The following SAMD12 variants were observed in gnomAD, a reference collection of about 807,000 sequenced individuals.
The protein encoded by SAMD12 is sterile alpha motif domain-containing protein 12.
Under a neutral mutation model 15.0 loss-of-function variants are expected in SAMD12, and 9 were observed. The ratio of observed to expected loss-of-function variants is 0.60; its 90% CI spans 0.36 to 1.05. The LOEUF is 1.05. Ranked by LOEUF, SAMD12 falls within the 50% of genes least tolerant of loss-of-function variation. SAMD12 has a pLI of 0.01. For missense variants in SAMD12, 230 were observed against 234.2 expected, an observed-to-expected ratio of 0.98 and a Z score of 0.12; for synonymous variants, 86 against 90.1, an observed-to-expected ratio of 0.96 and a Z score of 0.25.
intron 4 of SAMD12, among the ~76,000 whole-genome samples, chr8:118,322,025 C>T (rs1272996668): frequency 6.6e-6 from 1 of 152,102 alleles, no homozygotes; most frequent in East Asian, 1.9e-4. Flanking sequence ...GAAGATTATC[C>T]CTCCTGTTCA....
At chr8:118,189,261 A>G (rs1208209132), downstream of SAMD12, among the ~76,000 whole-genome samples, 5 of 152,192 alleles carry the variant, frequency 3.3e-5, no homozygotes, top group Admixed American at 6.5e-5. Context: ...TTCATTTCAC[A>G]TATATTATTT....
intron 4 of SAMD12, among the ~76,000 whole-genome samples, chr8:118,226,655 C>T (rs2451136): frequency 0.83 from 126,127 of 152,174 alleles, 53,601 homozygotes; most frequent in Non-Finnish European, 0.92. Flanking sequence ...ACATACATAG[C>T]CCTGCCCTGG....
intron 1 of SAMD12, among the ~76,000 whole-genome samples, chr8:118,617,645 A>G (rs182418400): frequency 6.6e-6 from 1 of 151,936 alleles, no homozygotes; most frequent in East Asian, 1.9e-4. Context: ...CATCCTCCCT[A>G]TTTTTTTCAT....
At chr8:118,448,657 G>A (rs535094656) in intron 2 of SAMD12, among the ~76,000 whole-genome samples, 1 of 152,260 alleles carries the variant, frequency 6.6e-6, no homozygotes, top group African/African-American at 2.4e-5. Flanking sequence ...CAAAAATGCA[G>A]AGCCAGTCTA....
chr8:118,229,996 A>G (rs1812272959), intron 4 of SAMD12, among the ~76,000 whole-genome samples: 2 of 152,180 alleles, frequency 1.3e-5, no homozygotes, highest in Admixed American at 1.3e-4. Context: ...TGCCATGTGG[A>G]AAAGGATTAA....
intron 2 of SAMD12, among the ~76,000 whole-genome samples, chr8:118,535,713 G>T (rs555709689): frequency 6.7e-4 from 102 of 152,330 alleles, no homozygotes; most frequent in African/African-American, 2.2e-3. Context: ...TGCCAGCAGT[G>T]AGCAAGGCTC....
At position 118,288,764 on chromosome 8, in the gene SAMD12, T is replaced by C. The variant is rs542705789; in HGVS notation, c.433+90796A>G. Among the ~76,000 whole-genome samples the C allele has an allele frequency of 9.2e-5, 14 of 152,356 alleles. 1 individual carries two copies. The South Asian group carries it at 2.9e-3, about 32-fold the overall frequency. On this transcript the variant is annotated intron_variant, in intron 4 of 4. Coordinates refer to the SAMD12 transcript ENST00000409003. The stretch of plus-strand genomic sequence containing the variant: ...ACTTCATATACGATTACTAACAGCA[T>C]TCAATAGCAGCTTTGATGGAAGTTG...
chr8:118,226,283 A>G (rs1812186909), intron 4 of SAMD12, among the ~76,000 whole-genome samples: 1 of 152,170 alleles, frequency 6.6e-6, no homozygotes, highest in South Asian at 2.1e-4. Flanking sequence ...TATGCTACTC[A>G]TATTACACTA....
the SAMD12 span, among the ~76,000 whole-genome samples, chr8:118,147,901 AT>A: frequency 2.7e-5 from 4 of 146,016 alleles, no homozygotes; most frequent in South Asian, 4.4e-4. Context: ...TCCTTGCTGA[AT>A]TTTTTTTTTC....
At chr8:118,237,990 T>C (rs951788389) in intron 4 of SAMD12, among the ~76,000 whole-genome samples, 34 of 152,074 alleles carry the variant, frequency 2.2e-4, no homozygotes, top group Admixed American at 5.9e-4. Flanking sequence ...CTGCCTACAT[T>C]TGTGATTTGG....
intron 2 of SAMD12, among the ~76,000 whole-genome samples, chr8:118,532,085 A>G (rs112569710): frequency 0.038 from 5,784 of 152,206 alleles, 385 homozygotes; most frequent in African/African-American, 0.13. Context: ...AGCTCTTATT[A>G]TTTTGAGATA....
chr8:118,603,191 A>C lies in SAMD12; in HGVS notation c.13+18613T>G, dbSNP rs1051639923. Reference sequence around the variant, plus strand: ...AAAAATAAAAGCTGGAGAAAGAAAGAAGAAAATACATAAAAGAAAATCAAA... The same window carrying C: ...AAAAATAAAAGCTGGAGAAAGAAAGCAGAAAATACATAAAAGAAAATCAAA... On this transcript the variant is annotated intron_variant, in intron 1 of 3. Transcript: ENST00000314727. Among the ~76,000 whole-genome samples the C allele has an allele frequency of 2.4e-4, 36 of 152,180 alleles. 1 individual carries two copies. Among genetic ancestry groups the C allele is most frequent in the Admixed American group, 1.2e-3 (18 of 15,280 alleles).
chr8:118,353,585 G>A (rs765800226), intron 4 of SAMD12, among the ~76,000 whole-genome samples: 12 of 152,146 alleles, frequency 7.9e-5, no homozygotes, highest in Non-Finnish European at 1.2e-4. Flanking sequence ...GGAACCATGA[G>A]AAATAGATTT....
At chr8:118,135,657 C>A in the SAMD12 span, among the ~76,000 whole-genome samples, 1 of 152,146 alleles carries the variant, frequency 6.6e-6, no homozygotes, top group Non-Finnish European at 1.5e-5. Flanking sequence ...ATCCTCTCAC[C>A]TCAGCCTCCC....
chr8:118,447,478 CATT>C (rs1305487488), intron 2 of SAMD12, among the ~76,000 whole-genome samples: 1 of 151,514 alleles, frequency 6.6e-6, no homozygotes, highest in African/African-American at 2.4e-5. Context: ...AACTTTTTTG[CATT>C]ATTAGTAGAG....
chr8:118,394,984 C>T (rs1161031202), intron 3 of SAMD12: 1 of 152,206 alleles, frequency 6.6e-6, no homozygotes, highest in Non-Finnish European at 1.5e-5. Flanking sequence ...CACCATGACA[C>T]ACTACCCAGT....
intron 4 of SAMD12, among the ~76,000 whole-genome samples, chr8:118,372,764 T>G (rs1305609101): frequency 6.6e-6 from 1 of 152,044 alleles, no homozygotes; most frequent in African/African-American, 2.4e-5. Flanking sequence ...ATTGCAGTTT[T>G]TAACCATTAA....
chr8:118,449,126 G>A (rs1823001944), intron 2 of SAMD12, among the ~76,000 whole-genome samples: 1 of 149,954 alleles, frequency 6.7e-6, no homozygotes, highest in African/African-American at 2.5e-5. Flanking sequence ...GCAATGGCGT[G>A]ATCTCTGCTC....
At chr8:118,175,600 A>G in the SAMD12 span, among the ~76,000 whole-genome samples, 33 of 152,346 alleles carry the variant, frequency 2.2e-4, 1 homozygote, top group East Asian at 6.2e-3. Flanking sequence ...TGCATCCAGC[A>G]AAGATCTAAT....
Sources: allele counts gnomAD v4.1 joint callset (sites outside exome capture counted in the v4.1 genomes callset), GRCh38; gene constraint gnomAD v4.1.1; transcripts MANE v1.5; gene names NCBI Gene and HGNC (gene_info 2026-07-23, HGNC 2026-07-21).